The following THSD7B variants were observed in gnomAD, a reference collection of about 807,000 sequenced individuals.
THSD7B encodes thrombospondin type-1 domain-containing protein 7B.
Under a neutral mutation model 213.6 loss-of-function variants are expected in THSD7B, and 138 were observed. The observed-to-expected ratio is 0.65, with a 90% confidence interval of 0.56 to 0.74. THSD7B has a LOEUF of 0.74. Among genes scored for constraint, THSD7B ranks in the 30% least tolerant of loss-of-function variants. The pLI, the probability that THSD7B is intolerant of heterozygous loss-of-function variation, is 0.00. For missense variants in THSD7B, 1,931 were observed against 1,991.5 expected (o/e 0.97, Z 0.58); for synonymous variants, 742 against 687.0 (o/e 1.08, Z -1.25).
intron 2 of THSD7B, among the ~76,000 whole-genome samples, chr2:136,937,123 C>T (rs1426378538): frequency 1.3e-5 from 2 of 152,074 alleles, no homozygotes; most frequent in East Asian, 3.9e-4. Flanking sequence ...CATTCTCCTG[C>T]ACCCCCAGCC....
At chr2:137,519,353 C>T (rs1272185012) in intron 15 of THSD7B, among the ~76,000 whole-genome samples, 4 of 152,196 alleles carry the variant, frequency 2.6e-5, no homozygotes, top group African/African-American at 9.7e-5. Context: ...TAAGAGTTTT[C>T]TTGCCACTAA....
At chr2:137,562,433 C>A (rs1573710711) in intron 15 of THSD7B, among the ~76,000 whole-genome samples, 2 of 151,852 alleles carry the variant, frequency 1.3e-5, no homozygotes, top group Admixed American at 1.3e-4. Flanking sequence ...CAATTGGCTG[C>A]CCACTGGGAT....
intron 2 of THSD7B, among the ~76,000 whole-genome samples, chr2:136,920,639 C>T (rs1344211754): frequency 6.6e-6 from 1 of 152,170 alleles, no homozygotes; most frequent in African/African-American, 2.4e-5. Flanking sequence ...TCAAGCCTTT[C>T]CTGGCTTGAA....
At position 137,284,456 on chromosome 2, in the gene THSD7B, C is replaced by T. The variant is rs1573933523; in HGVS notation, c.2500+8430C>T. On this transcript the variant is annotated intron_variant, in intron 12 of 27. Coordinates refer to ENST00000409968, the MANE Select transcript of THSD7B (RefSeq NM_001316349.2). Reference sequence around the variant, plus strand: ...CCTTCTGCTAGCTTTTGTATATGTTCGCTCTTGCTTCTCTAGTTCTTTTAA... The same window carrying T: ...CCTTCTGCTAGCTTTTGTATATGTTTGCTCTTGCTTCTCTAGTTCTTTTAA... Among the ~76,000 whole-genome samples the T allele has an allele frequency of 3.9e-5, 6 of 151,998 alleles. No individual in the cohort carries two copies. The East Asian group carries it at 7.7e-4, about 20-fold the overall frequency.
chr2:137,244,871 A>G (rs867450017), intron 10 of THSD7B, among the ~76,000 whole-genome samples: 1 of 152,170 alleles, frequency 6.6e-6, no homozygotes, highest in Non-Finnish European at 1.5e-5. Flanking sequence ...AGAGGGGGAA[A>G]AATTTGGAGG....
intron 17 of THSD7B, among the ~76,000 whole-genome samples, chr2:137,575,290 C>T (rs568470403): frequency 6.6e-6 from 1 of 152,182 alleles, no homozygotes; most frequent in African/African-American, 2.4e-5. Context: ...CCCCCTCCCA[C>T]TTACCTTGTT....
At chr2:137,191,636 GC>G (rs1192775693) in intron 7 of THSD7B, among the ~76,000 whole-genome samples, 1 of 151,780 alleles carries the variant, frequency 6.6e-6, no homozygotes, top group Non-Finnish European at 1.5e-5. Flanking sequence ...CTAGACCATG[GC>G]CCCATGGCTG....
intron 1 of THSD7B, among the ~76,000 whole-genome samples, chr2:136,866,599 T>G (rs1223468706): frequency 1.3e-5 from 2 of 152,254 alleles, no homozygotes; most frequent in Non-Finnish European, 2.9e-5. Context: ...ATAACTCATT[T>G]ATTTTCTTTA....
At chr2:136,898,166 T>C (rs1419797656) in intron 2 of THSD7B, among the ~76,000 whole-genome samples, 1 of 152,244 alleles carries the variant, frequency 6.6e-6, no homozygotes, top group African/African-American at 2.4e-5. Flanking sequence ...ATTAACAATA[T>C]TGAGTCTTCC....
At position 137,352,392 on chromosome 2, in the gene THSD7B, G is replaced by C. The variant is rs1685033797; in HGVS notation, c.2501-53221G>C. 2.0e-5 allele frequency among the ~76,000 whole-genome samples: 3 copies of C among 151,906 alleles called. No individual in the cohort carries two copies. The South Asian group carries it at 6.2e-4, about 32-fold the overall frequency. On this transcript the variant is annotated intron_variant, in intron 12 of 27. Transcript: ENST00000409968. ...CCAAGTTGTGTCTCCTTTCAAGGAG[G>C]GACAAAAACTTGTTCATTTCCCTGC...
chr2:137,190,687 G>T, intron 7 of THSD7B, among the ~76,000 whole-genome samples: 1 of 152,222 alleles, frequency 6.6e-6, no homozygotes, highest in African/African-American at 2.4e-5. Flanking sequence ...CCTGGGGCTG[G>T]TTAAAGCACA....
chr2:136,829,275 A>G (rs56897556), intron 1 of THSD7B, among the ~76,000 whole-genome samples: 6,674 of 151,970 alleles, frequency 0.044, 179 homozygotes, highest in South Asian at 0.088. Context: ...TTGTTCCTAT[A>G]TATGTGGAAG....
chr2:136,823,475 G>A (rs949900383), intron 1 of THSD7B, among the ~76,000 whole-genome samples: 3 of 152,018 alleles, frequency 2.0e-5, no homozygotes, highest in Non-Finnish European at 2.9e-5. Context: ...TTTTCTCCCC[G>A]TGTCTCTCTT....
At chr2:137,459,899 G>A (rs1409891278) in intron 15 of THSD7B, among the ~76,000 whole-genome samples, 5 of 152,004 alleles carry the variant, frequency 3.3e-5, no homozygotes, top group Non-Finnish European at 1.5e-5. Context: ...AAACAAAAAT[G>A]GTTTATTTTT....
chr2:137,066,757 T>G (rs537506473), intron 3 of THSD7B, among the ~76,000 whole-genome samples: 4 of 152,176 alleles, frequency 2.6e-5, no homozygotes, highest in Non-Finnish European at 5.9e-5. Context: ...TGGAAAATTC[T>G]TAGCCATTAT....
At chr2:137,317,562 A>T (rs1193650635) in intron 12 of THSD7B, among the ~76,000 whole-genome samples, 1 of 152,228 alleles carries the variant, frequency 6.6e-6, no homozygotes, top group African/African-American at 2.4e-5. Context: ...AGATAGTTTC[A>T]ACATAAACCA....
intron 12 of THSD7B, among the ~76,000 whole-genome samples, chr2:137,347,979 A>C (rs1228441709): frequency 6.6e-6 from 1 of 151,552 alleles, no homozygotes; most frequent in Non-Finnish European, 1.5e-5. Context: ...CAAAAAAAAA[A>C]ACATAGAAAG....
chr2:137,624,859 A>G (rs1682593136), intron 20 of THSD7B, among the ~76,000 whole-genome samples: 1 of 152,202 alleles, frequency 6.6e-6, no homozygotes, highest in South Asian at 2.1e-4. Context: ...AAATAGGAAC[A>G]CTTTTACACT....
chr2:137,400,040 G>GT (rs1686314409), intron 12 of THSD7B, among the ~76,000 whole-genome samples: 4 of 151,822 alleles, frequency 2.6e-5, no homozygotes, highest in Admixed American at 2.6e-4. Context: ...TATTATTTCT[G>GT]TTTTTTTAAA....
Sources: allele counts gnomAD v4.1 joint callset (sites outside exome capture counted in the v4.1 genomes callset), GRCh38; gene constraint gnomAD v4.1.1; transcripts MANE v1.5; gene names NCBI Gene and HGNC (gene_info 2026-07-23, HGNC 2026-07-21).